GRK3: variants seen among roughly 807,000 people sequenced by gnomAD.
GRK3 encodes the protein adrenergic, beta, receptor kinase 2.
A neutral mutation model predicts 95.7 loss-of-function variants in GRK3; 54 were observed. That is an observed-to-expected ratio of 0.56 (90% CI 0.45 to 0.71). The LOEUF (loss-of-function observed/expected upper bound fraction) is 0.71, where lower values mean the gene tolerates loss of function less well. Among genes scored for constraint, GRK3 ranks in the 30% least tolerant of loss-of-function variants. The probability of loss-of-function intolerance (pLI) is 0.00; values close to 1 mark genes in which losing one functional copy is unlikely to be tolerated. For missense variants in GRK3, 649 were observed against 851.2 expected (o/e 0.76, Z 2.96); for synonymous variants, 281 against 290.8 (o/e 0.97, Z 0.34).
At chr22:25,642,925 G>A (rs1431287286) in intron 2 of GRK3, among the ~76,000 whole-genome samples, 4 of 152,140 alleles carry the variant, frequency 2.6e-5, no homozygotes. Context: ...TAGACCAAAA[G>A]TTTCAATGCA....
In GRK3 at chr22:25,729,093, C is replaced by A. The variant is rs1447786441; in HGVS notation, c.*6643C>A. 6.6e-6 allele frequency: 1 copy of A among 151,952 alleles called. No individual in the cohort carries two copies. The highest frequency in any genetic ancestry group is 1.5e-5 in the Non-Finnish European group (1 of 68,004). 9.4% of individuals were successfully genotyped at this position (151,952 alleles called of 1,614,324 possible). On this transcript the variant is annotated 3_prime_UTR_variant, in exon 21 of 21. Coordinates refer to ENST00000324198, the MANE Select transcript of GRK3 (RefSeq NM_005160.4). ...GTTGTGCCAGGGAAGGTTTATAATC[C>A]CTTCTCAGTATACACTCACTAGTGC...
At chr22:25,703,016 G>C (rs1031914000) in intron 13 of GRK3, 5 of 376,270 alleles carry the variant, frequency 1.3e-5, no homozygotes, top group Middle Eastern at 4.2e-4. Flanking sequence ...TCATCAAAGG[G>C]ATGTATTACT....
At chr22:25,718,665 A>G (rs1053250621) in intron 19 of GRK3, among the ~76,000 whole-genome samples, 2 of 152,236 alleles carry the variant, frequency 1.3e-5, no homozygotes, top group Non-Finnish European at 2.9e-5. Context: ...AGACAGATCT[A>G]AAAAGAAAAG....
At chr22:25,696,304 C>T (rs1175261808) in intron 13 of GRK3, among the ~76,000 whole-genome samples, 4 of 152,004 alleles carry the variant, frequency 2.6e-5, no homozygotes, top group South Asian at 2.1e-4. Context: ...AAAAAGCTTG[C>T]GTTTGTTGGG....
intron 1 of GRK3, among the ~76,000 whole-genome samples, chr22:25,568,807 T>C (rs1931584599): frequency 6.6e-6 from 1 of 152,222 alleles, no homozygotes; most frequent in Non-Finnish European, 1.5e-5. Flanking sequence ...GCATAGAATA[T>C]AGAATAATAA....
intron 6 of GRK3, among the ~76,000 whole-genome samples, chr22:25,668,160 G>A (rs1444259290): frequency 6.6e-6 from 1 of 152,204 alleles, no homozygotes; most frequent in Non-Finnish European, 1.5e-5. Flanking sequence ...GTCTCCCAAA[G>A]CAGGACAAGC....
At chr22:25,702,831 C>T (rs1286335560) in intron 13 of GRK3, 1 of 456,038 alleles carries the variant, frequency 2.2e-6, no homozygotes, top group South Asian at 1.5e-5. Context: ...GGCTTGATCC[C>T]CGCTTTACAG....
intron 3 of GRK3, among the ~76,000 whole-genome samples, chr22:25,651,801 G>A (rs1447115504): frequency 6.6e-6 from 1 of 152,044 alleles, no homozygotes; most frequent in Non-Finnish European, 1.5e-5. Flanking sequence ...AAATTGTTCT[G>A]TATTTTTAAA....
chr22:25,594,840 C>T (rs1407292531), intron 1 of GRK3, among the ~76,000 whole-genome samples: 2 of 151,994 alleles, frequency 1.3e-5, no homozygotes, highest in African/African-American at 2.4e-5. Flanking sequence ...GATCGCGCCA[C>T]TGCACTCCAG....
At chr22:25,579,368 A>G (rs1932020000) in intron 1 of GRK3, among the ~76,000 whole-genome samples, 1 of 151,454 alleles carries the variant, frequency 6.6e-6, no homozygotes, top group South Asian at 2.1e-4. Flanking sequence ...GCTGGTCGAG[A>G]ATTCTTGGGC....
chr22:25,655,228 C>A (rs2084861856), intron 3 of GRK3, among the ~76,000 whole-genome samples: 1 of 152,120 alleles, frequency 6.6e-6, no homozygotes, highest in East Asian at 1.9e-4. Flanking sequence ...AACTGCGTAT[C>A]CTGGCATTCA....
At chr22:25,719,592 C>G (rs1200357146) in intron 19 of GRK3, among the ~76,000 whole-genome samples, 1 of 150,990 alleles carries the variant, frequency 6.6e-6, no homozygotes, top group Non-Finnish European at 1.5e-5. Context: ...TACCTTTCAG[C>G]AAATCAGGCA....
At chr22:25,652,782 C>A (rs1186240674) in intron 3 of GRK3, among the ~76,000 whole-genome samples, 1 of 151,988 alleles carries the variant, frequency 6.6e-6, no homozygotes, top group Admixed American at 6.6e-5. Context: ...TTTTACTGTA[C>A]CTTTTCAGTA....
At chr22:25,676,828 A>G (rs567812501) in intron 8 of GRK3, among the ~76,000 whole-genome samples, 1 of 151,900 alleles carries the variant, frequency 6.6e-6, no homozygotes, top group South Asian at 2.1e-4. Context: ...CAGGAGCCAT[A>G]TAGCTAGAAA....
At chr22:25,609,157 T>C (rs2084475700) in intron 2 of GRK3, among the ~76,000 whole-genome samples, 1 of 152,190 alleles carries the variant, frequency 6.6e-6, no homozygotes, top group African/African-American at 2.4e-5. Flanking sequence ...TAAGATTCTT[T>C]TGTGACTATT....
At chr22:25,667,925 A>G in intron 6 of GRK3, 125 bp downstream of exon 6, 1 of 608,942 alleles carries the variant, frequency 1.6e-6, no homozygotes, top group Non-Finnish European at 2.9e-6. Context: ...ACCATGTACG[A>G]TGTGCCAGGC....
At chr22:25,593,349 CTTTCT>C (rs145706483) in intron 1 of GRK3, among the ~76,000 whole-genome samples, 13 of 151,876 alleles carry the variant, frequency 8.6e-5, no homozygotes, top group South Asian at 2.1e-4. Flanking sequence ...GCATCTGTTT[CTTTCT>C]TTTCTTTTCT....
At chr22:25,648,971 C>T (rs1388232636) in intron 3 of GRK3, 1 of 983,614 alleles carries the variant, frequency 1.0e-6, no homozygotes, top group Non-Finnish European at 1.7e-6. Flanking sequence ...CTGGTGTCTG[C>T]TCATTTGGAA....
intron 2 of GRK3, among the ~76,000 whole-genome samples, chr22:25,614,081 T>C (rs1281291907): frequency 6.6e-6 from 1 of 152,096 alleles, no homozygotes; most frequent in Non-Finnish European, 1.5e-5. Context: ...CTAGAAACTA[T>C]AGGAGCACTG....
Sources: gnomAD v4.1 joint callset for allele counts (sites outside exome capture counted in the v4.1 genomes callset) on GRCh38, gnomAD v4.1.1 for gene constraint, MANE v1.5 for transcripts, NCBI Gene and HGNC (gene_info 2026-07-23, HGNC 2026-07-21) for gene names.